MBNL2: variants seen among roughly 807,000 people sequenced by gnomAD.
MBNL2 encodes the protein muscleblind like splicing regulator 2, also known as muscleblind-like protein 2.
Under a neutral mutation model 41.9 loss-of-function variants are expected in MBNL2, and 17 were observed. The ratio of observed to expected loss-of-function variants is 0.41; its 90% CI spans 0.28 to 0.61. The LOEUF (loss-of-function observed/expected upper bound fraction) is 0.61, where lower values mean the gene tolerates loss of function less well. Ranked by LOEUF, MBNL2 falls within the 20% of genes least tolerant of loss-of-function variation. The pLI is 0.35. For missense variants in MBNL2, 336 were observed against 505.6 expected (o/e 0.66, Z 3.22); for synonymous variants, 195 against 182.9 (o/e 1.07, Z -0.53).
intron 2 of MBNL2, among the ~76,000 whole-genome samples, chr13:97,278,536 A>G (rs995385622): frequency 1.5e-4 from 23 of 152,204 alleles, no homozygotes; most frequent in African/African-American, 5.3e-4. Flanking sequence ...CAACTGGGCA[A>G]CAACGCCTAG....
At chr13:97,209,904 T>G in the MBNL2 span, among the ~76,000 whole-genome samples, 3 of 152,220 alleles carry the variant, frequency 2.0e-5, no homozygotes, top group Non-Finnish European at 4.4e-5. Context: ...CAAGCAATTC[T>G]CATGCCGCAG....
At chr13:97,382,932 A>G (rs978776228) in intron 8 of MBNL2, among the ~76,000 whole-genome samples, 1 of 152,056 alleles carries the variant, frequency 6.6e-6, no homozygotes, top group Non-Finnish European at 1.5e-5. Context: ...TGCTGAGGAA[A>G]CACAGTCGCA....
intron 4 of MBNL2, among the ~76,000 whole-genome samples, chr13:97,345,353 G>A (rs2061749531): frequency 6.6e-6 from 1 of 152,096 alleles, no homozygotes; most frequent in Non-Finnish European, 1.5e-5. Context: ...AATTATATAA[G>A]CAACATGCAT....
chr13:97,172,757 C>T, the MBNL2 span: 1 of 152,304 alleles, frequency 6.6e-6, no homozygotes, highest in East Asian at 1.9e-4. Flanking sequence ...GAGCCTAGAA[C>T]ATGAGGCCTC....
At chr13:97,274,045 G>A (rs994978638) in intron 1 of MBNL2, among the ~76,000 whole-genome samples, 3 of 151,970 alleles carry the variant, frequency 2.0e-5, no homozygotes, top group Non-Finnish European at 4.4e-5. Flanking sequence ...TGGGCAACAA[G>A]AGTGAAACTC....
At chr13:97,251,834 CTTTTTTTTTT>C (rs869034692) in intron 1 of MBNL2, among the ~76,000 whole-genome samples, 2 of 69,578 alleles carry the variant, frequency 2.9e-5, no homozygotes, top group African/African-American at 5.6e-5. Flanking sequence ...ATCCTCAATT[CTTTTTTTTTT>C]TTTTTTTTTT....
intron 2 of MBNL2, among the ~76,000 whole-genome samples, chr13:97,304,884 G>A (rs1311543428): frequency 1.3e-5 from 2 of 152,236 alleles, no homozygotes; most frequent in East Asian, 3.8e-4. Context: ...AGGGGAGAAA[G>A]TTGGAGGGAT....
the MBNL2 span, among the ~76,000 whole-genome samples, chr13:97,155,722 G>A: frequency 1.3e-5 from 2 of 152,074 alleles, no homozygotes; most frequent in Non-Finnish European, 2.9e-5. Flanking sequence ...CAAAGGACAT[G>A]AACTCATCCT....
chr13:97,384,688 T>C (rs898487583), intron 8 of MBNL2, among the ~76,000 whole-genome samples: 2 of 152,212 alleles, frequency 1.3e-5, no homozygotes, highest in African/African-American at 4.8e-5. Context: ...AGCTTAGCCC[T>C]ATTTTTAGGA....
At chr13:97,335,480 G>C (rs989780752) in intron 3 of MBNL2, among the ~76,000 whole-genome samples, 5 of 152,112 alleles carry the variant, frequency 3.3e-5, no homozygotes, top group Non-Finnish European at 7.4e-5. Context: ...GGTGTGGAGG[G>C]CAGGGCCTGC....
chr13:97,288,135 T>C (rs1439120861), intron 2 of MBNL2, among the ~76,000 whole-genome samples: 1 of 152,120 alleles, frequency 6.6e-6, no homozygotes, highest in Non-Finnish European at 1.5e-5. Context: ...TTTTCCATAA[T>C]GCCTTTACTT....
chr13:97,385,288 T>G (rs1050375007), intron 8 of MBNL2, among the ~76,000 whole-genome samples: 2 of 152,194 alleles, frequency 1.3e-5, no homozygotes, highest in African/African-American at 4.8e-5. Context: ...CAGCCCTGCT[T>G]GGAAGTACCC....
At chr13:97,382,223 T>G (rs1403647980) in intron 8 of MBNL2, among the ~76,000 whole-genome samples, 1 of 152,250 alleles carries the variant, frequency 6.6e-6, no homozygotes, top group Non-Finnish European at 1.5e-5. Flanking sequence ...AATTCAGTTC[T>G]CCTACAGAGA....
At chr13:97,253,626 T>G (rs1474986254) in intron 1 of MBNL2, among the ~76,000 whole-genome samples, 29 of 152,194 alleles carry the variant, frequency 1.9e-4, no homozygotes, top group Admixed American at 1.9e-3. Context: ...TTGGGAAGAA[T>G]GCAGGAAAAT....
intron 3 of MBNL2, among the ~76,000 whole-genome samples, chr13:97,338,981 G>A (rs2061138771): frequency 6.6e-6 from 1 of 152,078 alleles, no homozygotes; most frequent in African/African-American, 2.4e-5. Context: ...AAATAGCAAA[G>A]AATGTGCATG....
At chr13:97,262,726 C>T (rs1426212022) in intron 1 of MBNL2, among the ~76,000 whole-genome samples, 1 of 152,000 alleles carries the variant, frequency 6.6e-6, no homozygotes, top group Non-Finnish European at 1.5e-5. Context: ...TCCTTCTGCA[C>T]ACACAGGACC....
intron 1 of MBNL2, among the ~76,000 whole-genome samples, chr13:97,243,578 G>T (rs985986468): frequency 6.6e-6 from 1 of 152,214 alleles, no homozygotes; most frequent in African/African-American, 2.4e-5. Flanking sequence ...ATCAACGAAA[G>T]TGGAGAAGCA....
At chr13:97,266,664 T>C (rs2049878234) in intron 1 of MBNL2, among the ~76,000 whole-genome samples, 1 of 152,208 alleles carries the variant, frequency 6.6e-6, no homozygotes, top group Non-Finnish European at 1.5e-5. Context: ...TCTCCAGAAA[T>C]AGAGTGGGGA....
chr13:97,325,423 C>A (rs1229692741), intron 2 of MBNL2, among the ~76,000 whole-genome samples: 2 of 152,182 alleles, frequency 1.3e-5, no homozygotes, highest in Non-Finnish European at 2.9e-5. Context: ...CCCAGCCAAC[C>A]AAAATGCATT....
Sources: allele counts gnomAD v4.1 joint callset (sites outside exome capture counted in the v4.1 genomes callset), GRCh38; gene constraint gnomAD v4.1.1; transcripts MANE v1.5; gene names NCBI Gene and HGNC (gene_info 2026-07-23, HGNC 2026-07-21).